The following RIT2 variants were observed in gnomAD, a reference collection of about 807,000 sequenced individuals.
RIT2 encodes the protein GTP-binding protein Rit2.
Under a neutral mutation model 23.7 loss-of-function variants are expected in RIT2, and 24 were observed. The ratio of observed to expected loss-of-function variants is 1.01; its 90% CI spans 0.73 to 1.43. RIT2 has a LOEUF of 1.43. RIT2 is among the 40% of genes most tolerant of loss of function. The pLI is 0.00. For synonymous variants in RIT2, 107 were observed against 91.1 expected (o/e 1.17, Z -0.99); for missense variants, 236 against 266.9 (o/e 0.88, Z 0.81).
chr18:42,865,305 T>C (rs1458982830), intron 4 of RIT2, among the ~76,000 whole-genome samples: 2 of 152,198 alleles, frequency 1.3e-5, no homozygotes, highest in African/African-American at 4.8e-5. Context: ...GAGGACCTGA[T>C]GTGGAGTCCC....
intron 1 of RIT2, among the ~76,000 whole-genome samples, chr18:43,089,222 A>T (rs1913360289): frequency 1.3e-5 from 2 of 152,104 alleles, no homozygotes. Flanking sequence ...AAACTTCTTT[A>T]CCTGATAAAC....
At chr18:42,890,674 G>A (rs556332950) in intron 4 of RIT2, among the ~76,000 whole-genome samples, 35 of 152,014 alleles carry the variant, frequency 2.3e-4, no homozygotes, top group African/African-American at 7.0e-4. Context: ...CTTGTTAAAC[G>A]TTTACTAAAT....
intron 4 of RIT2, among the ~76,000 whole-genome samples, chr18:42,867,949 T>C (rs1323232497): frequency 6.6e-6 from 1 of 152,236 alleles, no homozygotes; most frequent in Non-Finnish European, 1.5e-5. Context: ...GTTTCTAAAA[T>C]GTCACAGGCT....
At chr18:42,841,707 G>A (rs1208989080) in intron 4 of RIT2, among the ~76,000 whole-genome samples, 2 of 152,160 alleles carry the variant, frequency 1.3e-5, no homozygotes, top group East Asian at 1.9e-4. Flanking sequence ...TTTAGGTTGT[G>A]TCATGCTTCC....
intron 4 of RIT2, among the ~76,000 whole-genome samples, chr18:42,800,978 C>T (rs944674222): frequency 6.6e-6 from 1 of 151,906 alleles, no homozygotes; most frequent in South Asian, 2.1e-4. Context: ...TGTCTTCTCC[C>T]GTAGGTTTCC....
chr18:42,815,779 A>G (rs1905977679), intron 4 of RIT2, among the ~76,000 whole-genome samples: 1 of 152,162 alleles, frequency 6.6e-6, no homozygotes, highest in Admixed American at 6.5e-5. Context: ...AGGGTATCCG[A>G]GGCAATCAGA....
At chr18:43,076,146 C>T (rs1242447156) in intron 1 of RIT2, among the ~76,000 whole-genome samples, 11 of 152,140 alleles carry the variant, frequency 7.2e-5, no homozygotes, top group South Asian at 4.1e-4. Context: ...TACAGCTTCA[C>T]ATTATTCAGA....
At chr18:43,024,349 G>T (rs1911661584) in intron 2 of RIT2, among the ~76,000 whole-genome samples, 1 of 151,956 alleles carries the variant, frequency 6.6e-6, no homozygotes, top group African/African-American at 2.4e-5. Context: ...AAACTGGATT[G>T]TCATATGCAG....
chr18:42,965,696 G>A, intron 3 of RIT2, among the ~76,000 whole-genome samples: 1 of 110,510 alleles, frequency 9.0e-6, no homozygotes, highest in Non-Finnish European at 1.7e-5. Flanking sequence ...GGTAAACAAA[G>A]ATGTGTACTG....
intron 2 of RIT2, among the ~76,000 whole-genome samples, chr18:42,989,114 G>T (rs1437470071): frequency 6.6e-6 from 1 of 152,174 alleles, no homozygotes; most frequent in Non-Finnish European, 1.5e-5. Flanking sequence ...TGTGAAGTTG[G>T]ACAATCCTTA....
chr18:43,052,110 C>T (rs576475734), intron 1 of RIT2, among the ~76,000 whole-genome samples: 1 of 152,266 alleles, frequency 6.6e-6, no homozygotes, highest in Non-Finnish European at 1.5e-5. Flanking sequence ...ACTCCTCTTG[C>T]TACCATTGTT....
At chr18:43,106,299 C>T (rs138858526) in intron 1 of RIT2, among the ~76,000 whole-genome samples, 3 of 152,162 alleles carry the variant, frequency 2.0e-5, no homozygotes, top group Non-Finnish European at 4.4e-5. Flanking sequence ...CAAACACACA[C>T]TTTATTGCTC....
intron 1 of RIT2, among the ~76,000 whole-genome samples, chr18:43,066,624 T>C (rs1912776535): frequency 6.6e-6 from 1 of 152,120 alleles, no homozygotes; most frequent in African/African-American, 2.4e-5. Context: ...ATGGTTTAGT[T>C]AGAAGAAAGT....
chr18:43,048,157 A>C (rs1341308204), intron 1 of RIT2, among the ~76,000 whole-genome samples: 4 of 152,202 alleles, frequency 2.6e-5, no homozygotes, highest in African/African-American at 9.6e-5. Context: ...TTCCTTTAAC[A>C]ACCATTTTAT....
At chr18:42,850,076 C>CGTGTGTGTGTGTGTGTGT (rs60962443) in intron 4 of RIT2, among the ~76,000 whole-genome samples, 3 of 142,736 alleles carry the variant, frequency 2.1e-5, no homozygotes, top group African/African-American at 7.7e-5. Context: ...AAAATACACC[C>CGTGTGTGTGTGTGTGTGT]GTGTGTGTGT....
chr18:43,064,843 G>C (rs993232057), intron 1 of RIT2, among the ~76,000 whole-genome samples: 4 of 152,036 alleles, frequency 2.6e-5, no homozygotes, highest in Non-Finnish European at 5.9e-5. Flanking sequence ...TTATGAGAGA[G>C]AGTTGCTCTG....
At chr18:42,876,070 A>G (rs1034267201) in intron 4 of RIT2, among the ~76,000 whole-genome samples, 5 of 152,018 alleles carry the variant, frequency 3.3e-5, no homozygotes, top group Non-Finnish European at 7.4e-5. Flanking sequence ...CCAAAAAAAA[A>G]GTCAATTCAT....
intron 4 of RIT2, among the ~76,000 whole-genome samples, chr18:42,815,748 G>T (rs1002684921): frequency 6.6e-6 from 1 of 152,066 alleles, no homozygotes; most frequent in Non-Finnish European, 1.5e-5. Flanking sequence ...GGGGGGAAAC[G>T]TACTTTTTAG....
At chr18:42,898,262 C>T (rs1174280394) in intron 4 of RIT2, among the ~76,000 whole-genome samples, 3 of 152,072 alleles carry the variant, frequency 2.0e-5, no homozygotes, top group East Asian at 3.9e-4. Flanking sequence ...AGCGTGGTGG[C>T]GGGTGCCTGT....
Sources: allele counts gnomAD v4.1 joint callset (sites outside exome capture counted in the v4.1 genomes callset), GRCh38; gene constraint gnomAD v4.1.1; transcripts MANE v1.5; gene names NCBI Gene and HGNC (gene_info 2026-07-23, HGNC 2026-07-21).